Variants in TPTE observed in about 807,000 individuals in gnomAD.
TPTE encodes the protein transmembrane phosphatase with tensin homology.
Under a neutral mutation model 84.1 loss-of-function variants are expected in TPTE, and 59 were observed. The ratio of observed to expected loss-of-function variants is 0.70; its 90% confidence interval spans 0.57 to 0.87. The LOEUF (loss-of-function observed/expected upper bound fraction) is 0.87, where lower values mean the gene tolerates loss of function less well. TPTE is among the 40% of genes least tolerant of loss of function. TPTE has a pLI of 0.00. For synonymous variants in TPTE, 130 were observed against 223.5 expected, an observed-to-expected ratio of 0.58 and a Z score of 3.73; for missense variants, 382 against 659.6, an observed-to-expected ratio of 0.58 and a Z score of 4.61.
chr21:10,543,014 C>CTTTTTTTTTT (rs1051322060), intron 6 of TPTE, among the ~76,000 whole-genome samples: 3 of 72,276 alleles, frequency 4.2e-5, no homozygotes, highest in Non-Finnish European at 7.4e-5. Flanking sequence ...TGACTGTATT[C>CTTTTTTTTTT]TTTTTTTTTT....
Position 10,605,482 on chromosome 21 carries a change from C to G in TPTE, c.1586C>G (p.Ser529Ter). Residue 529 changes from serine to a stop codon, truncating the protein, a stop_gained, in exon 24 of 24, where the codon TCA (serine) becomes TGA (stop). Coordinates refer to ENST00000618007, the MANE Select transcript of TPTE (RefSeq NM_199261.4). LOFTEE classifies it high-confidence loss of function. ...CAAAAAGCACGGAGAATTTATCCAT[C>G]AGATTTTGCCGTGGAGATACTTTTT... ...HKQKARRIYP[S>*]DFAVEILFGE... The G allele has an allele frequency of 6.2e-7, 1 of 1,614,248 alleles. No homozygotes were observed. Among genetic ancestry groups the G allele is most frequent in the Non-Finnish European group, 8.5e-7 (1 of 1,180,030 alleles).
chr21:10,580,146 T>C (rs2075245470), intron 17 of TPTE, among the ~76,000 whole-genome samples: 1 of 152,312 alleles, frequency 6.6e-6, no homozygotes, highest in Non-Finnish European at 1.5e-5. Flanking sequence ...TGGCCATTTG[T>C]GTGTCTTCTG....
At position 10,552,655 on chromosome 21, in the gene TPTE, AGT is replaced by A. The variant is rs1482674724; in HGVS notation, c.177_178del (p.Leu60SerfsTer7). The A allele has an allele frequency of 6.2e-7, 1 of 1,613,780 alleles. No individual in the cohort carries two copies. The highest frequency in any genetic ancestry group is 1.3e-5 in the African/African-American group (1 of 74,946). On this transcript the variant is annotated splice_acceptor_variant and coding_sequence_variant, in exon 8 of 24. Coordinates refer to ENST00000618007, the MANE Select transcript of TPTE (RefSeq NM_199261.4). LOFTEE classifies it high-confidence loss of function. ...TTTTTGCTTTTTTTTTGGTGGCTAA[AGT>A]GTGTTAGCACGACTTTCCAAGTTTG...
intron 2 of TPTE, among the ~76,000 whole-genome samples, chr21:10,526,138 C>G (rs1600848479): frequency 6.6e-6 from 1 of 152,304 alleles, no homozygotes; most frequent in Non-Finnish European, 1.5e-5. Context: ...CCTATAGATG[C>G]CTTTCTTTTT....
chr21:10,603,959 C>G, intron 23 of TPTE, among the ~76,000 whole-genome samples: 1 of 152,428 alleles, frequency 6.6e-6, no homozygotes, highest in East Asian at 1.9e-4. Flanking sequence ...TTCAATATGT[C>G]AGGTCCCTGT....
intron 10 of TPTE, among the ~76,000 whole-genome samples, chr21:10,566,702 TGCACTG>T (rs2074928796): frequency 1.3e-5 from 2 of 152,424 alleles, no homozygotes; most frequent in South Asian, 4.1e-4. Flanking sequence ...CCCGGCCAAG[TGCACTG>T]GCTCATGCCT....
intron 3 of TPTE, among the ~76,000 whole-genome samples, chr21:10,536,443 A>G (rs1173315157): frequency 1.3e-5 from 2 of 152,310 alleles, no homozygotes; most frequent in African/African-American, 4.8e-5. Flanking sequence ...TGCATACAGA[A>G]TTGACATCAA....
intron 19 of TPTE, among the ~76,000 whole-genome samples, chr21:10,592,934 T>C (rs1184857610): frequency 1.3e-5 from 2 of 152,306 alleles, no homozygotes; most frequent in African/African-American, 2.4e-5. Context: ...TATTGCACTT[T>C]TACATATCTC....
At chr21:10,537,282 T>C (rs1284851014) in intron 3 of TPTE, among the ~76,000 whole-genome samples, 7 of 152,304 alleles carry the variant, frequency 4.6e-5, no homozygotes, top group African/African-American at 7.2e-5. Context: ...GAATGTCATA[T>C]TGGTGTTGGA....
At chr21:10,599,767 C>T (rs1226208073) in intron 21 of TPTE, among the ~76,000 whole-genome samples, 2 of 152,304 alleles carry the variant, frequency 1.3e-5, no homozygotes, top group Non-Finnish European at 2.9e-5. Context: ...TAAACTGGGT[C>T]ATCCCTTTTG....
intron 17 of TPTE, among the ~76,000 whole-genome samples, chr21:10,584,215 T>A (rs1349134079): frequency 1.5e-4 from 23 of 150,428 alleles, no homozygotes; most frequent in African/African-American, 5.5e-4. Context: ...TATTCTTAGA[T>A]TTTTTTTGTG....
At chr21:10,528,647 TTG>T (rs2074123943) in intron 3 of TPTE, among the ~76,000 whole-genome samples, 1 of 152,310 alleles carries the variant, frequency 6.6e-6, no homozygotes, top group African/African-American at 2.4e-5. Context: ...CTGATGCTGT[TTG>T]TGTTATACTC....
intron 19 of TPTE, among the ~76,000 whole-genome samples, chr21:10,594,878 T>C (rs1407796029): frequency 8.5e-5 from 13 of 152,280 alleles, no homozygotes; most frequent in African/African-American, 2.4e-4. Context: ...TGATCCTGCA[T>C]TGTGGGCCAT....
At chr21:10,532,709 T>C (rs1193235009) in intron 3 of TPTE, among the ~76,000 whole-genome samples, 2 of 152,424 alleles carry the variant, frequency 1.3e-5, no homozygotes, top group East Asian at 3.8e-4. Context: ...GTTCTTAGTA[T>C]TTAAAATATT....
chr21:10,583,494 A>G (rs2075305110), intron 17 of TPTE, among the ~76,000 whole-genome samples: 1 of 152,424 alleles, frequency 6.6e-6, no homozygotes. Context: ...TTGGTCATAA[A>G]TGTATTTCAA....
chr21:10,602,401 TAAAC>T (rs1209849956), intron 22 of TPTE, among the ~76,000 whole-genome samples: 3 of 152,292 alleles, frequency 2.0e-5, no homozygotes, highest in Middle Eastern at 3.2e-3. Flanking sequence ...AAATACAAAA[TAAAC>T]ACACACACAA....
chr21:10,587,686 A>T (rs1388796642), intron 17 of TPTE, among the ~76,000 whole-genome samples: 6 of 152,280 alleles, frequency 3.9e-5, no homozygotes. Flanking sequence ...AGTAGCTGGG[A>T]TTACAAGCGC....
chr21:10,527,725 A>G (rs1203781419), intron 3 of TPTE, among the ~76,000 whole-genome samples: 1 of 152,306 alleles, frequency 6.6e-6, no homozygotes, highest in Non-Finnish European at 1.5e-5. Flanking sequence ...AGCCCTCAGC[A>G]GCAAGAAAGG....
intron 13 of TPTE, 75 bp from the exon 14 acceptor site, chr21:10,570,410 T>C (rs1247764959): frequency 1.9e-6 from 3 of 1,608,978 alleles, no homozygotes; most frequent in Non-Finnish European, 2.5e-6. Context: ...AATCTGATCA[T>C]GTATAAATTA....
Sources: gnomAD v4.1 joint callset for allele counts (sites outside exome capture counted in the v4.1 genomes callset) on GRCh38, gnomAD v4.1.1 for gene constraint, MANE v1.5 for transcripts, NCBI Gene and HGNC (gene_info 2026-07-23, HGNC 2026-07-21) for gene names.